KIAA0825: variants seen among roughly 807,000 people sequenced by gnomAD.
KIAA0825 encodes uncharacterized protein KIAA0825.
A neutral mutation model predicts 147.6 loss-of-function variants in KIAA0825; 119 were observed. The observed-to-expected ratio is 0.81, with a 90% CI of 0.69 to 0.94. The LOEUF (loss-of-function observed/expected upper bound fraction) is 0.94. Among genes scored for constraint, KIAA0825 ranks in the 40% least tolerant of loss-of-function variants. The pLI is 0.00. For synonymous variants in KIAA0825, 470 were observed against 518.1 expected (o/e 0.91, Z 1.26); for missense variants, 1,381 against 1,472.7 (o/e 0.94, Z 1.02).
Position 94,477,122 on chromosome 5 carries a change from G to A in KIAA0825, c.1216C>T (p.Pro406Ser), listed in dbSNP as rs750177962. The change falls in exon 7 of 21, where the codon CCA (proline) becomes TCA (serine). Residue 406 changes from proline (P) to serine (S), a missense_variant. Transcript: ENST00000682413. ...TTTCCTTCACTTACCTCTTTTCCTGGTAGTGATTGCTCGGAAGGAATATTG... is the reference window on the plus strand; with the variant it reads ...TTTCCTTCACTTACCTCTTTTCCTGATAGTGATTGCTCGGAAGGAATATTG... ...ETNIPSEQSL[P>S]GKEATLLDFG... is the part of the protein sequence containing the mutation. The A allele has an allele frequency of 7.1e-6, 11 of 1,549,536 alleles. No homozygotes were observed. The South Asian group carries it at 1.1e-4, about 15-fold the overall frequency.
chr5:94,563,619 AT>A (rs1380769372), intron 2 of KIAA0825, among the ~76,000 whole-genome samples: 1 of 152,256 alleles, frequency 6.6e-6, no homozygotes, highest in African/African-American at 2.4e-5. Flanking sequence ...TTGAAGTTTA[AT>A]TTATTAAAGT....
chr5:94,279,494 G>A (rs1584008778), intron 20 of KIAA0825, among the ~76,000 whole-genome samples: 2 of 151,932 alleles, frequency 1.3e-5, no homozygotes, highest in East Asian at 3.9e-4. Context: ...TATTTAAGTC[G>A]GTTAGATCTT....
At chr5:94,554,716 C>CCA (rs1776204272) in intron 2 of KIAA0825, among the ~76,000 whole-genome samples, 2 of 67,078 alleles carry the variant, frequency 3.0e-5, no homozygotes, top group Non-Finnish European at 6.1e-5. Context: ...GTTCTGTGTA[C>CCA]TATATATATA....
At chr5:94,362,208 G>A (rs1007224950) in intron 20 of KIAA0825, among the ~76,000 whole-genome samples, 1 of 152,140 alleles carries the variant, frequency 6.6e-6, no homozygotes, top group African/African-American at 2.4e-5. Context: ...AACCTCCAGG[G>A]TCGGATGAGG....
At chr5:94,261,521 A>G (rs940469463) in intron 20 of KIAA0825, among the ~76,000 whole-genome samples, 1 of 152,164 alleles carries the variant, frequency 6.6e-6, no homozygotes, top group African/African-American at 2.4e-5. Context: ...ATAAAAATAG[A>G]TGTTGGTAGA....
intron 5 of KIAA0825, among the ~76,000 whole-genome samples, chr5:94,485,885 A>G (rs925481929): frequency 2.0e-5 from 3 of 151,884 alleles, no homozygotes; most frequent in Admixed American, 2.0e-4. Flanking sequence ...GTTTAAAAAT[A>G]ACTTGTCTAA....
chr5:94,616,238 A>C (rs940357524), intron 1 of KIAA0825, among the ~76,000 whole-genome samples: 3 of 152,208 alleles, frequency 2.0e-5, no homozygotes, highest in Non-Finnish European at 2.9e-5. Flanking sequence ...ATACCTATAC[A>C]GTTGTAAAAC....
In KIAA0825 at chr5:94,151,333, C is replaced by T. The variant is rs1037951437; in HGVS notation, c.*2674G>A. 1.8e-3 allele frequency among the ~76,000 whole-genome samples: 258 copies of T among 140,516 alleles called. 1 individual carries two copies. Among genetic ancestry groups the T allele is most frequent in the African/African-American group, 6.1e-3 (232 of 37,980 alleles). 92.2% of individuals were successfully genotyped at this position (140,516 alleles called of 152,430 possible). On this transcript the variant is annotated 3_prime_UTR_variant, in exon 21 of 21. Transcript: ENST00000682413. ...TCGGGAGGCTGAGGCAGGAGAATGG[C>T]GTGAACCCGGGAAGCGGAGCTTGCA... is the stretch of plus-strand genomic sequence containing the variant.
intron 1 of KIAA0825, among the ~76,000 whole-genome samples, chr5:94,606,818 A>G (rs1787578132): frequency 6.6e-6 from 1 of 152,192 alleles, no homozygotes; most frequent in Non-Finnish European, 1.5e-5. Context: ...GCACAGTGCC[A>G]GCATCTGCTC....
rs544607273 is a variant in KIAA0825, at chr5:94,341,902, G to C, written c.3710+42466C>G. On this transcript the variant is annotated intron_variant, in intron 20 of 20. Coordinates refer to ENST00000682413, the MANE Select transcript of KIAA0825 (RefSeq NM_001145678.3). ...AAAGACTCCCCTCATCTCAGATTAA[G>C]AGCAATCTCGGCCAGACGCGGTGGC... 2.0e-5 allele frequency among the ~76,000 whole-genome samples: 3 copies of C among 152,172 alleles called. No homozygotes were observed. In the East Asian group the frequency reaches 5.8e-4, roughly 29 times the overall value.
At position 94,520,310 on chromosome 5, in the gene KIAA0825, G is replaced by C. The variant is rs1227044645; in HGVS notation, c.908C>G (p.Ala303Gly). ...CTTGCTTGTTTTAACCACACGAACA[G>C]CATTTTCTCTGAACTGCAGCTCACA... ...NFCELQFREN[A>G]VRVVKTSKSS... The change falls in exon 5 of 21, where the codon GCT becomes GGT. Residue 303 changes from alanine (A) to glycine (G), a missense_variant. By Grantham distance (60) the Ala-to-Gly change is moderately conservative. Transcript: ENST00000682413. 2.8e-5 allele frequency: 45 copies of C among 1,613,320 alleles called. No individual in the cohort carries two copies. Among genetic ancestry groups the C allele is most frequent in the Non-Finnish European group, 3.8e-5 (45 of 1,179,510 alleles).
At chr5:94,549,748 C>G (rs1775154937) in intron 2 of KIAA0825, among the ~76,000 whole-genome samples, 1 of 151,892 alleles carries the variant, frequency 6.6e-6, no homozygotes, top group African/African-American at 2.4e-5. Flanking sequence ...AGAAACAAAA[C>G]TATGGAATAT....
intron 1 of KIAA0825, among the ~76,000 whole-genome samples, chr5:94,596,259 C>T (rs909077608): frequency 1.3e-5 from 2 of 152,088 alleles, no homozygotes; most frequent in Non-Finnish European, 2.9e-5. Context: ...GATTTTTGTA[C>T]ATCATATAAG....
chr5:94,497,855 T>C (rs921512382), intron 5 of KIAA0825, among the ~76,000 whole-genome samples: 1 of 152,234 alleles, frequency 6.6e-6, no homozygotes, highest in Non-Finnish European at 1.5e-5. Flanking sequence ...GATGCTGCTG[T>C]GGATTTAGAA....
rs1302910577 is a variant in KIAA0825 at position 94,533,124 on chromosome 5, G to A, written c.131+3872C>T. 7.3e-5 allele frequency among the ~76,000 whole-genome samples: 11 copies of A among 151,202 alleles called. No individual in the cohort carries two copies. In the East Asian group the frequency reaches 1.2e-3, roughly 16 times the overall value. ...CTCCTGAGTAGCTGGGACTACAGGC[G>A]CCCGCCACCACGCCCGGCTAATTTT... On this transcript the variant is annotated intron_variant, in intron 3 of 20. Coordinates refer to ENST00000682413, the MANE Select transcript of KIAA0825 (RefSeq NM_001145678.3).
At chr5:94,475,180 C>T (rs934235551) in intron 7 of KIAA0825, among the ~76,000 whole-genome samples, 1 of 152,026 alleles carries the variant, frequency 6.6e-6, no homozygotes, top group South Asian at 2.1e-4. Context: ...ATAGTTATAG[C>T]CCTGTGCTAT....
chr5:94,192,820 A>G (rs1770795290), intron 20 of KIAA0825, among the ~76,000 whole-genome samples: 1 of 152,088 alleles, frequency 6.6e-6, no homozygotes, highest in Admixed American at 6.5e-5. Flanking sequence ...AGAAACCCCC[A>G]GCTCTTTGCC....
intron 20 of KIAA0825, among the ~76,000 whole-genome samples, chr5:94,286,169 T>C (rs181735631): frequency 1.8e-3 from 270 of 152,274 alleles, no homozygotes; most frequent in African/African-American, 6.1e-3. Context: ...AGCAAAAATA[T>C]TGAGTGCTGA....
intron 2 of KIAA0825, among the ~76,000 whole-genome samples, chr5:94,580,247 A>C (rs1488802909): frequency 6.6e-6 from 1 of 152,180 alleles, no homozygotes; most frequent in Non-Finnish European, 1.5e-5. Context: ...AGAAGATGAG[A>C]GCTAGAAAGT....
Sources: allele counts gnomAD v4.1 joint callset (sites outside exome capture counted in the v4.1 genomes callset), GRCh38; gene constraint gnomAD v4.1.1; transcripts MANE v1.5; gene names NCBI Gene and HGNC (gene_info 2026-07-23, HGNC 2026-07-21).